CACNA2D1: variants seen among roughly 807,000 people sequenced by gnomAD.
CACNA2D1 encodes calcium voltage-gated channel auxiliary subunit alpha2delta 1, also known as voltage-dependent calcium channel subunit alpha-2/delta-1.
CACNA2D1 carries 53 observed loss-of-function variants against 171.5 expected under a neutral mutation model. The ratio of observed to expected loss-of-function variants is 0.31; its 90% CI spans 0.25 to 0.39. The LOEUF (loss-of-function observed/expected upper bound fraction) is 0.39. CACNA2D1 is among the 10% of genes least tolerant of loss of function. The pLI is 1.00. For synonymous variants in CACNA2D1, 442 were observed against 443.1 expected (o/e 1.00, Z 0.03); for missense variants, 903 against 1,299.8 (o/e 0.69, Z 4.69).
chr7:82,185,346 GT>G (rs145100602), intron 3 of CACNA2D1, among the ~76,000 whole-genome samples: 51,488 of 149,884 alleles, frequency 0.34, 9,055 homozygotes, highest in East Asian at 0.48. Flanking sequence ...CCAAATGGAG[GT>G]TAGGGCTGTG....
intron 3 of CACNA2D1, among the ~76,000 whole-genome samples, chr7:82,302,033 T>G (rs909448391): frequency 1.3e-5 from 2 of 152,126 alleles, no homozygotes; most frequent in African/African-American, 4.8e-5. Flanking sequence ...GTGCTGGAAT[T>G]ATAGGCATGA....
intron 3 of CACNA2D1, among the ~76,000 whole-genome samples, chr7:82,256,610 G>A (rs944520823): frequency 6.6e-6 from 1 of 152,100 alleles, no homozygotes; most frequent in African/African-American, 2.4e-5. Context: ...AAAAAAGAAT[G>A]GTAATACAGA....
At chr7:82,360,505 C>CG (rs1266338317) in intron 1 of CACNA2D1, among the ~76,000 whole-genome samples, 2 of 152,268 alleles carry the variant, frequency 1.3e-5, no homozygotes, top group Admixed American at 1.3e-4. Context: ...GTACTACTTT[C>CG]ATTAACATAA....
chr7:82,434,751 C>T (rs1332783350), intron 1 of CACNA2D1, among the ~76,000 whole-genome samples: 1 of 152,140 alleles, frequency 6.6e-6, no homozygotes. Context: ...TCTCCATATT[C>T]TCAACTTGAC....
intron 1 of CACNA2D1, among the ~76,000 whole-genome samples, chr7:82,380,797 C>G (rs1487656555): frequency 1.3e-5 from 2 of 151,916 alleles, no homozygotes; most frequent in Non-Finnish European, 2.9e-5. Flanking sequence ...CAGGTTCAAG[C>G]GATTTTCATG....
intron 1 of CACNA2D1, among the ~76,000 whole-genome samples, chr7:82,417,725 T>C (rs1828314354): frequency 6.6e-6 from 1 of 152,146 alleles, no homozygotes; most frequent in Non-Finnish European, 1.5e-5. Flanking sequence ...ATAGTAGGTA[T>C]AGAATACACG....
intron 3 of CACNA2D1, among the ~76,000 whole-genome samples, chr7:82,302,714 G>C (rs1813186747): frequency 6.6e-6 from 1 of 152,166 alleles, no homozygotes; most frequent in Non-Finnish European, 1.5e-5. Context: ...ACTGTGCCCA[G>C]CCTACAGGAT....
In CACNA2D1 at chr7:82,353,889, T is replaced by C. The variant is rs188607230; in HGVS notation, c.96-4240A>G. On this transcript the variant is annotated intron_variant, in intron 1 of 38. Coordinates refer to ENST00000356860, the MANE Select transcript of CACNA2D1 (RefSeq NM_000722.4). The stretch of plus-strand genomic sequence containing the variant: ...AGAACATGTAATTTATTGACAATGA[T>C]GGGGTACAGGAAATGCCACCCCCAA... Among the ~76,000 whole-genome samples the C allele has an allele frequency of 2.6e-5, 4 of 152,110 alleles. No individual in the cohort carries two copies. The East Asian group carries it at 5.8e-4, about 22-fold the overall frequency.
At chr7:82,074,646 G>T (rs1489615807) in intron 7 of CACNA2D1, among the ~76,000 whole-genome samples, 1 of 152,056 alleles carries the variant, frequency 6.6e-6, no homozygotes, top group African/African-American at 2.4e-5. Flanking sequence ...TTCTCTTACT[G>T]GTATTAGAAT....
At chr7:82,001,150 T>C (rs10277970) in intron 18 of CACNA2D1, among the ~76,000 whole-genome samples, 29,353 of 152,046 alleles carry the variant, frequency 0.19, 3,240 homozygotes, top group African/African-American at 0.3. Context: ...GTTTACCAGG[T>C]AATAAAAATT....
chr7:82,111,533 T>C (rs991349915), intron 6 of CACNA2D1, among the ~76,000 whole-genome samples: 10 of 147,984 alleles, frequency 6.8e-5, no homozygotes, highest in African/African-American at 2.2e-4. Flanking sequence ...CTGAAACCTC[T>C]GCCTCCTGGG....
At chr7:82,079,444 C>A (rs981652515) in intron 7 of CACNA2D1, among the ~76,000 whole-genome samples, 2 of 152,088 alleles carry the variant, frequency 1.3e-5, no homozygotes, top group African/African-American at 2.4e-5. Flanking sequence ...GTAATCCCAG[C>A]ACTTTGGGAG....
intron 7 of CACNA2D1, among the ~76,000 whole-genome samples, chr7:82,067,574 A>G (rs1225807081): frequency 6.6e-6 from 1 of 152,196 alleles, no homozygotes; most frequent in Non-Finnish European, 1.5e-5. Flanking sequence ...GTTCTAAATG[A>G]CTAATCATAT....
intron 3 of CACNA2D1, among the ~76,000 whole-genome samples, chr7:82,311,298 T>C (rs1585438497): frequency 6.6e-6 from 1 of 151,932 alleles, no homozygotes; most frequent in East Asian, 1.9e-4. Context: ...TATTCTTAAA[T>C]ACACATTTCT....
At chr7:82,397,852 G>A (rs919781075) in intron 1 of CACNA2D1, among the ~76,000 whole-genome samples, 17 of 152,088 alleles carry the variant, frequency 1.1e-4, no homozygotes, top group African/African-American at 3.9e-4. Flanking sequence ...CTGCTTATTA[G>A]ATAAAACTTA....
intron 1 of CACNA2D1, among the ~76,000 whole-genome samples, chr7:82,378,253 G>A (rs1823244047): frequency 6.6e-6 from 1 of 152,054 alleles, no homozygotes; most frequent in Non-Finnish European, 1.5e-5. Flanking sequence ...TTTTTAATTA[G>A]CTGGGCGTGG....
chr7:82,431,963 A>C (rs1829719822), intron 1 of CACNA2D1, among the ~76,000 whole-genome samples: 1 of 145,238 alleles, frequency 6.9e-6, no homozygotes, highest in African/African-American at 2.6e-5. Flanking sequence ...ACTTGAACCC[A>C]GGAGGTGGAG....
At chr7:82,387,598 T>C (rs1414191174) in intron 1 of CACNA2D1, among the ~76,000 whole-genome samples, 2 of 115,716 alleles carry the variant, frequency 1.7e-5, no homozygotes, top group East Asian at 5.7e-4. Context: ...CAATGAACAG[T>C]ACCATGAAAA....
At chr7:81,988,946 T>C (rs180974045) in intron 21 of CACNA2D1, among the ~76,000 whole-genome samples, 6 of 152,158 alleles carry the variant, frequency 3.9e-5, no homozygotes, top group Admixed American at 3.9e-4. Flanking sequence ...ATAAGGGTTA[T>C]GGAGAATATG....
Sources: allele counts gnomAD v4.1 joint callset (sites outside exome capture counted in the v4.1 genomes callset), GRCh38; gene constraint gnomAD v4.1.1; transcripts MANE v1.5; gene names NCBI Gene and HGNC (gene_info 2026-07-23, HGNC 2026-07-21).